The following ZNF618 variants were observed in gnomAD, a reference collection of about 807,000 sequenced individuals.
ZNF618 encodes neural precursor cell expressed, developmentally down-regulated 10.
ZNF618 carries 34 observed loss-of-function variants against 103.0 expected under a neutral mutation model. The ratio of observed to expected loss-of-function variants is 0.33; its 90% confidence interval spans 0.25 to 0.44. The LOEUF is 0.44. Among genes scored for constraint, ZNF618 ranks in the 20% least tolerant of loss-of-function variants. ZNF618 has a pLI of 1.00. For missense variants in ZNF618, 1,059 were observed against 1,295.4 expected, an observed-to-expected ratio of 0.82 and a Z score of 2.80; for synonymous variants, 551 against 542.2, an observed-to-expected ratio of 1.02 and a Z score of -0.23.
rs552690439 is a variant in ZNF618, at chr9:113,882,362, C to G, written c.33+5949C>G. 8.5e-5 allele frequency among the ~76,000 whole-genome samples: 13 copies of G among 152,282 alleles called. No homozygotes were observed. In the South Asian group the frequency reaches 2.7e-3, roughly 32 times the overall value. ...ATCTGGGAAAAGAGGGTTAATGATCCCAGCCTTGCAGGGTTGTTTTAGGAT... is the reference window on the plus strand; with the variant it reads ...ATCTGGGAAAAGAGGGTTAATGATCGCAGCCTTGCAGGGTTGTTTTAGGAT... On this transcript the variant is annotated intron_variant, in intron 1 of 14. Coordinates refer to ENST00000374126, the MANE Select transcript of ZNF618 (RefSeq NM_001318042.2).
rs1019149156 is a variant in ZNF618 at position 113,883,967 on chromosome 9, T to C, written c.33+7554T>C. ...GGGCTCCATGCTCTGTTTACCTCAC[T>C]TTTCTCTGGGCTTGGCCCCCCCCCC... On this transcript the variant is annotated intron_variant, in intron 1 of 14. Transcript: ENST00000374126. Among the ~76,000 whole-genome samples the C allele has an allele frequency of 2.9e-5, 4 of 136,352 alleles. No individual in the cohort carries two copies. In the Admixed American group the frequency reaches 3.1e-4, roughly 11 times the overall value. 89.5% of individuals were successfully genotyped at this position (136,352 alleles called of 152,430 possible). A position where few individuals can be genotyped will look rare whatever the true frequency, so the allele number is the denominator to read the frequency against.
chr9:113,942,038 C>T (rs755435424), intron 1 of ZNF618, among the ~76,000 whole-genome samples: 6 of 152,230 alleles, frequency 3.9e-5, no homozygotes, highest in African/African-American at 9.6e-5. Context: ...TAGGACACAA[C>T]GGACAAAACA....
chr9:114,021,852 G>A (rs1242474933), intron 10 of ZNF618, among the ~76,000 whole-genome samples: 1 of 152,084 alleles, frequency 6.6e-6, no homozygotes, highest in African/African-American at 2.4e-5. Context: ...TTTGAAGGGA[G>A]AGGTCTGGCT....
intron 1 of ZNF618, among the ~76,000 whole-genome samples, chr9:113,963,706 C>T (rs1345160193): frequency 2.0e-5 from 3 of 152,238 alleles, no homozygotes; most frequent in Non-Finnish European, 4.4e-5. Flanking sequence ...CACCATTCAT[C>T]TAAGCAACCT....
intron 2 of ZNF618, among the ~76,000 whole-genome samples, chr9:113,981,497 G>A (rs1486950471): frequency 1.3e-5 from 2 of 152,214 alleles, no homozygotes; most frequent in Non-Finnish European, 2.9e-5. Flanking sequence ...AAATAGGACT[G>A]AAGGCCAGGG....
At chr9:114,028,362 A>C (rs545811797) in intron 10 of ZNF618, 24 of 221,172 alleles carry the variant, frequency 1.1e-4, no homozygotes, top group African/African-American at 4.8e-4. Context: ...TGTAACTTCC[A>C]AGCCAGCCTT....
intron 10 of ZNF618, among the ~76,000 whole-genome samples, chr9:114,023,546 A>G (rs1843245118): frequency 6.6e-6 from 1 of 152,036 alleles, no homozygotes; most frequent in Admixed American, 6.5e-5. Context: ...ATATTTACTT[A>G]TTTTCCATTT....
intron 13 of ZNF618, among the ~76,000 whole-genome samples, chr9:114,042,235 T>G (rs1261515107): frequency 3.3e-5 from 5 of 152,256 alleles, no homozygotes; most frequent in Non-Finnish European, 7.3e-5. Context: ...TGTTACCAAC[T>G]TAATAGGTTT....
At chr9:114,034,706 T>C (rs929072066) in intron 12 of ZNF618, among the ~76,000 whole-genome samples, 2 of 152,190 alleles carry the variant, frequency 1.3e-5, no homozygotes, top group Non-Finnish European at 2.9e-5. Flanking sequence ...GTTTGAGGCT[T>C]GCCAACCTCT....
At chr9:113,933,842 G>A (rs532236281) in intron 1 of ZNF618, among the ~76,000 whole-genome samples, 2 of 152,210 alleles carry the variant, frequency 1.3e-5, no homozygotes, top group South Asian at 2.1e-4. Flanking sequence ...GATAGCAGTG[G>A]GGGAGGGGCA....
chr9:114,036,533 C>T (rs1844628915), intron 13 of ZNF618, among the ~76,000 whole-genome samples, 156 bp downstream of exon 13: 2 of 152,312 alleles, frequency 1.3e-5, no homozygotes, highest in South Asian at 4.1e-4. Context: ...CCCAGTCAGT[C>T]AGTTATTAAC....
chr9:114,018,324 C>T (rs1227567594), intron 10 of ZNF618, among the ~76,000 whole-genome samples: 1 of 152,234 alleles, frequency 6.6e-6, no homozygotes, highest in Non-Finnish European at 1.5e-5. Context: ...GGCCTGTGCC[C>T]CTCTGGAGAT....
At chr9:113,942,928 C>T (rs1834680888) in intron 1 of ZNF618, among the ~76,000 whole-genome samples, 1 of 152,156 alleles carries the variant, frequency 6.6e-6, no homozygotes, top group Non-Finnish European at 1.5e-5. Context: ...TAATTTTCAA[C>T]TTCTAATGAC....
At chr9:113,979,382 G>C (rs1052229314) in intron 2 of ZNF618, among the ~76,000 whole-genome samples, 2 of 152,218 alleles carry the variant, frequency 1.3e-5, no homozygotes, top group African/African-American at 4.8e-5. Context: ...AGTGGGAAGA[G>C]TGTGTTACAT....
At chr9:113,924,258 T>G (rs1360514576) in intron 1 of ZNF618, among the ~76,000 whole-genome samples, 1 of 152,056 alleles carries the variant, frequency 6.6e-6, no homozygotes, top group Non-Finnish European at 1.5e-5. Context: ...AGCCTGTGTC[T>G]TTCAAGGAAT....
intron 1 of ZNF618, among the ~76,000 whole-genome samples, chr9:113,917,600 A>G (rs565957111): frequency 6.6e-6 from 1 of 151,398 alleles, no homozygotes; most frequent in Non-Finnish European, 1.5e-5. Context: ...TCCCCATTCC[A>G]TCCTCCTTTT....
chr9:113,990,329 G>A lies in ZNF618; in HGVS notation c.337+1749G>A, dbSNP rs147323335. Among the ~76,000 whole-genome samples the A allele has an allele frequency of 5.3e-5, 8 of 152,244 alleles. No homozygotes were observed. In the East Asian group the frequency reaches 1.5e-3, roughly 29 times the overall value. ...AAAGTGGAAACCCCTAGAGATTGGG[G>A]CTCCAGGACCTGCCTGATTTATGTC... is the stretch of plus-strand genomic sequence containing the variant. On this transcript the variant is annotated intron_variant, in intron 3 of 14. Transcript: ENST00000374126.
At chr9:113,901,309 A>G (rs1830527282) in intron 1 of ZNF618, among the ~76,000 whole-genome samples, 1 of 152,198 alleles carries the variant, frequency 6.6e-6, no homozygotes, top group African/African-American at 2.4e-5. Flanking sequence ...CAACATTTAA[A>G]ACGGGCATCT....
At chr9:113,885,693 G>A (rs1829000012) in intron 1 of ZNF618, among the ~76,000 whole-genome samples, 1 of 152,152 alleles carries the variant, frequency 6.6e-6, no homozygotes, top group African/African-American at 2.4e-5. Flanking sequence ...TTTAGTGGGA[G>A]GACAGGCCAT....
Sources: gnomAD v4.1 joint callset for allele counts (sites outside exome capture counted in the v4.1 genomes callset) on GRCh38, gnomAD v4.1.1 for gene constraint, MANE v1.5 for transcripts, NCBI Gene and HGNC (gene_info 2026-07-23, HGNC 2026-07-21) for gene names.